Variants in CDH10 observed in about 807,000 individuals in gnomAD.
CDH10 encodes the protein cadherin 10.
A neutral mutation model predicts 73.1 loss-of-function variants in CDH10; 30 were observed. That is an observed-to-expected ratio of 0.41 (90% CI 0.31 to 0.56). CDH10 has a LOEUF of 0.56. CDH10 is among the 20% of genes least tolerant of loss of function. CDH10 has a pLI of 0.27. For synonymous variants in CDH10, 345 were observed against 348.2 expected, an observed-to-expected ratio of 0.99 and a Z score of 0.10; for missense variants, 815 against 973.7, an observed-to-expected ratio of 0.84 and a Z score of 2.17.
At chr5:24,509,376 A>G (rs148848800) in intron 7 of CDH10, among the ~76,000 whole-genome samples, 190 bp downstream of exon 7, 6 of 150,022 alleles carry the variant, frequency 4.0e-5, no homozygotes, top group Non-Finnish European at 7.4e-5. Flanking sequence ...AGTAGCTGGG[A>G]TTACAGGCAC....
intron 1 of CDH10, among the ~76,000 whole-genome samples, chr5:24,630,601 T>C (rs1747671805): frequency 6.7e-6 from 1 of 150,032 alleles, no homozygotes; most frequent in Non-Finnish European, 1.5e-5. Flanking sequence ...AAAGAAACAT[T>C]TGAAAACTCA....
chr5:24,625,838 T>C (rs1747478320), intron 1 of CDH10, among the ~76,000 whole-genome samples: 1 of 151,732 alleles, frequency 6.6e-6, no homozygotes, highest in African/African-American at 2.4e-5. Context: ...TTAATCTTTG[T>C]TGCAGAATAA....
At chr5:24,547,912 C>T (rs1365730010) in intron 2 of CDH10, among the ~76,000 whole-genome samples, 2 of 152,140 alleles carry the variant, frequency 1.3e-5, no homozygotes, top group African/African-American at 4.8e-5. Context: ...TGGCAAAACA[C>T]ACAGACAAAT....
At chr5:24,544,176 C>T (rs1377289012) in intron 2 of CDH10, among the ~76,000 whole-genome samples, 1 of 152,082 alleles carries the variant, frequency 6.6e-6, no homozygotes, top group Non-Finnish European at 1.5e-5. Flanking sequence ...TGTCTGTAGT[C>T]CCAGCTACGT....
intron 1 of CDH10, among the ~76,000 whole-genome samples, chr5:24,634,941 T>C (rs1402618352): frequency 6.6e-6 from 1 of 151,690 alleles, no homozygotes; most frequent in Non-Finnish European, 1.5e-5. Flanking sequence ...TTCATGTGTT[T>C]ATGTAATCCG....
rs146503869 is a variant in CDH10, at chr5:24,489,760, T to C, written c.1877-1607A>G. ...GTTAAAAGCAGTCTGCTCATGACTA[T>C]AAAATGAATTATCATTGTTTGGGGG... On this transcript the variant is annotated intron_variant, in intron 11 of 11. Transcript: ENST00000264463. Among the ~76,000 whole-genome samples, 1,298 of 152,202 alleles carry C rather than the reference T, an allele frequency of 8.5e-3. 11 individuals carry two copies. The highest frequency in any genetic ancestry group is 0.039 in the South Asian group (189 of 4,820).
At chr5:24,524,004 T>G (rs996154984) in intron 5 of CDH10, among the ~76,000 whole-genome samples, 3 of 152,106 alleles carry the variant, frequency 2.0e-5, no homozygotes, top group Non-Finnish European at 4.4e-5. Context: ...AGTACATTAA[T>G]TTTTTTCTAA....
At chr5:24,614,759 A>T (rs1213889963) in intron 1 of CDH10, among the ~76,000 whole-genome samples, 1 of 152,194 alleles carries the variant, frequency 6.6e-6, no homozygotes, top group Non-Finnish European at 1.5e-5. Flanking sequence ...AGTATTTTAT[A>T]TGTACCCATG....
rs745557589 is a variant in CDH10, at chr5:24,557,367, C to G, written c.232-19693G>C. ...CTACCAATTTAATGTCCCTAATTTA[C>G]AGAATCATTATTATTTCCCATTATG... is the stretch of plus-strand genomic sequence containing the variant. On this transcript the variant is annotated intron_variant, in intron 2 of 11. Transcript: ENST00000264463. Among the ~76,000 whole-genome samples the G allele has an allele frequency of 2.0e-5, 3 of 151,480 alleles. No individual in the cohort carries two copies. The East Asian group carries it at 5.8e-4, about 29-fold the overall frequency.
At chr5:24,503,119 G>A (rs982224142) in intron 8 of CDH10, among the ~76,000 whole-genome samples, 3 of 152,116 alleles carry the variant, frequency 2.0e-5, no homozygotes, top group African/African-American at 7.2e-5. Context: ...CTGATGATCT[G>A]TCTAGCCTAA....
chr5:24,571,786 T>C (rs990298859), intron 2 of CDH10, among the ~76,000 whole-genome samples: 5 of 152,070 alleles, frequency 3.3e-5, no homozygotes, highest in African/African-American at 4.8e-5. Flanking sequence ...TCCTGACTCG[T>C]AGTGTTTGCC....
chr5:24,547,900 A>T (rs1033545999), intron 2 of CDH10, among the ~76,000 whole-genome samples: 7 of 152,192 alleles, frequency 4.6e-5, no homozygotes, highest in African/African-American at 1.7e-4. Context: ...GTCAAGCTTA[A>T]GTGGCAAAAC....
chr5:24,535,554 A>C, intron 4 of CDH10, 149 bp downstream of exon 4: 1 of 755,214 alleles, frequency 1.3e-6, no homozygotes, highest in East Asian at 2.6e-5. Context: ...CTATCATTTA[A>C]CTTTGAGTTC....
chr5:24,628,094 A>C (rs562560994), intron 1 of CDH10, among the ~76,000 whole-genome samples: 5 of 152,130 alleles, frequency 3.3e-5, no homozygotes, highest in African/African-American at 1.2e-4. Flanking sequence ...TTCCCAGGGG[A>C]AATAAAAACC....
At chr5:24,611,406 A>C (rs1019259383) in intron 1 of CDH10, among the ~76,000 whole-genome samples, 2 of 151,974 alleles carry the variant, frequency 1.3e-5, no homozygotes, top group African/African-American at 4.8e-5. Context: ...ACACAGGGAG[A>C]CTCTATCTCT....
chr5:24,534,478 T>C (rs1237369430), intron 5 of CDH10, among the ~76,000 whole-genome samples: 1 of 152,104 alleles, frequency 6.6e-6, no homozygotes, highest in African/African-American at 2.4e-5. Flanking sequence ...CATGTGTTTC[T>C]ATGGTCAGGA....
chr5:24,531,862 G>A (rs1024966993), intron 5 of CDH10, among the ~76,000 whole-genome samples: 15 of 152,014 alleles, frequency 9.9e-5, no homozygotes, highest in African/African-American at 3.6e-4. Context: ...CCCCTCATAT[G>A]ACATCAAAAT....
intron 5 of CDH10, among the ~76,000 whole-genome samples, chr5:24,530,154 T>G (rs1280580518): frequency 6.6e-6 from 1 of 151,696 alleles, no homozygotes; most frequent in African/African-American, 2.4e-5. Flanking sequence ...GCCTTTTTTT[T>G]TTCCTTGAAT....
chr5:24,605,601 C>A (rs2112129831), intron 1 of CDH10, among the ~76,000 whole-genome samples: 1 of 152,322 alleles, frequency 6.6e-6, no homozygotes, highest in East Asian at 1.9e-4. Context: ...ATTGAAACTT[C>A]CATACCTTGC....
Sources: gnomAD v4.1 joint callset for allele counts (sites outside exome capture counted in the v4.1 genomes callset) on GRCh38, gnomAD v4.1.1 for gene constraint, MANE v1.5 for transcripts, NCBI Gene and HGNC (gene_info 2026-07-23, HGNC 2026-07-21) for gene names.